Variants in EPB41L4A observed in about 807,000 individuals in gnomAD.
EPB41L4A encodes band 4.1-like protein 4A.
In EPB41L4A, 100 loss-of-function variants were observed where a neutral mutation model predicts 108.6. The ratio of observed to expected loss-of-function variants is 0.92; its 90% CI spans 0.78 to 1.09. EPB41L4A has a LOEUF of 1.09. Among genes scored for constraint, EPB41L4A ranks in the 50% least tolerant of loss-of-function variants. The pLI is 0.00. For synonymous variants in EPB41L4A, 319 were observed against 289.0 expected (o/e 1.10, Z -1.05); for missense variants, 1,030 against 842.7 (o/e 1.22, Z -2.75).
At chr5:112,182,915 C>T (rs1761230157) in intron 18 of EPB41L4A, among the ~76,000 whole-genome samples, 1 of 151,930 alleles carries the variant, frequency 6.6e-6, no homozygotes, top group South Asian at 2.1e-4. Context: ...GTAATTAATA[C>T]ATCTGTAAGG....
At chr5:112,371,892 T>C (rs992124810) in intron 1 of EPB41L4A, among the ~76,000 whole-genome samples, 6 of 152,114 alleles carry the variant, frequency 3.9e-5, no homozygotes, top group African/African-American at 1.4e-4. Context: ...TATATTCTAG[T>C]AGAGGAGATG....
At position 112,165,044 on chromosome 5, in the gene EPB41L4A, G is replaced by C; in HGVS notation, c.2007C>G (p.His669Gln). The C allele has an allele frequency of 6.2e-7, 1 of 1,613,896 alleles. No homozygotes were observed. The highest frequency in any genetic ancestry group is 8.5e-7 in the Non-Finnish European group (1 of 1,179,918). ...QTSTNNLAGK[H>Q]TAKTIKTIQA... ...GTATAGTTTTTATTGTTTTTGCTGT[G>C]TGTTTTCCAGCCAGGTTGTTTGTAG... Residue 669 changes from histidine (H) to glutamine (Q), a missense_variant, in exon 23 of 23, where the codon CAC (histidine) becomes CAG (glutamine). His to Gln is a conservative substitution (Grantham distance 24). Transcript: ENST00000261486.
At chr5:112,316,534 G>A (rs934281159) in intron 1 of EPB41L4A, among the ~76,000 whole-genome samples, 4 of 152,080 alleles carry the variant, frequency 2.6e-5, no homozygotes, top group East Asian at 1.9e-4. Flanking sequence ...CATTGTTTAT[G>A]TCTAAGAGTT....
chr5:112,286,983 T>C (rs1211937083), intron 2 of EPB41L4A, among the ~76,000 whole-genome samples: 1 of 152,178 alleles, frequency 6.6e-6, no homozygotes, highest in Non-Finnish European at 1.5e-5. Context: ...CGTCACACGC[T>C]TCTAGGACAC....
Position 112,163,005 on chromosome 5 carries a change from C to T in EPB41L4A, c.*1985G>A, listed in dbSNP as rs931404841. 6.6e-6 allele frequency: 1 copy of T among 152,144 alleles called. No individual in the cohort carries two copies. The highest frequency in any genetic ancestry group is 1.5e-5 in the Non-Finnish European group (1 of 68,044). 9.4% of individuals were successfully genotyped at this position (152,144 alleles called of 1,614,324 possible). On this transcript the variant is annotated 3_prime_UTR_variant, in exon 23 of 23. Transcript: ENST00000261486. ...GCTATTATGGGAGGTGAGAGTGTTA[C>T]AAAATGAGGCTGAAGAGGTAGGTAA...
chr5:112,276,848 T>C (rs115869928), intron 3 of EPB41L4A, among the ~76,000 whole-genome samples: 1 of 152,208 alleles, frequency 6.6e-6, no homozygotes, highest in East Asian at 1.9e-4. Context: ...TGGGAGACCA[T>C]CAAGATGAGG....
chr5:112,146,269 G>C (rs1417953424), intron 12 of EPB41L4A, among the ~76,000 whole-genome samples: 3 of 152,202 alleles, frequency 2.0e-5, no homozygotes, highest in Admixed American at 2.0e-4. Flanking sequence ...TCAATTTCAA[G>C]TTCAGAAATA....
At chr5:112,176,157 C>T (rs560134492) in intron 18 of EPB41L4A, among the ~76,000 whole-genome samples, 7 of 152,168 alleles carry the variant, frequency 4.6e-5, no homozygotes, top group Non-Finnish European at 1.0e-4. Flanking sequence ...TCACTTAATG[C>T]TCAGCAAAAT....
chr5:112,360,382 T>A (rs1463964393), intron 1 of EPB41L4A, among the ~76,000 whole-genome samples: 1 of 152,220 alleles, frequency 6.6e-6, no homozygotes, highest in African/African-American at 2.4e-5. Flanking sequence ...TGCCTGATTC[T>A]CCTGCCTCAG....
At chr5:112,151,855 C>G (rs980649780) in intron 12 of EPB41L4A, among the ~76,000 whole-genome samples, 4 of 152,102 alleles carry the variant, frequency 2.6e-5, no homozygotes, top group Non-Finnish European at 4.4e-5. Flanking sequence ...CTCAGCCTCC[C>G]TAGTAGCTGG....
chr5:112,224,055 G>A (rs1221111040), intron 12 of EPB41L4A, among the ~76,000 whole-genome samples: 2 of 152,168 alleles, frequency 1.3e-5, no homozygotes, highest in Non-Finnish European at 2.9e-5. Context: ...AGGTTCAAGC[G>A]ATTCTTCTGC....
At chr5:112,240,119 C>T (rs533302941) in intron 10 of EPB41L4A, among the ~76,000 whole-genome samples, 8 of 152,266 alleles carry the variant, frequency 5.3e-5, no homozygotes, top group East Asian at 1.9e-4. Flanking sequence ...TCCCTTTCCT[C>T]GTTTCCCAGG....
rs191552615 is a variant in EPB41L4A, at chr5:112,292,953, T to A, written c.205-12630A>T. 3.2e-3 allele frequency among the ~76,000 whole-genome samples: 493 copies of A among 152,320 alleles called. 1 individual carries two copies. The highest frequency in any genetic ancestry group is 0.011 in the African/African-American group (452 of 41,576). On this transcript the variant is annotated intron_variant, in intron 2 of 22. Transcript: ENST00000261486. ...GACAGTCTAATTTAATAAATGTTCATAGTAAAGAAATCAATATTCCTTTCA... is the reference window on the plus strand; with the variant it reads ...GACAGTCTAATTTAATAAATGTTCAAAGTAAAGAAATCAATATTCCTTTCA...
chr5:112,258,438 A>C (rs1751258170), intron 9 of EPB41L4A, among the ~76,000 whole-genome samples: 1 of 152,248 alleles, frequency 6.6e-6, no homozygotes, highest in African/African-American at 2.4e-5. Context: ...AGTTAGTATC[A>C]AAAAGACAGA....
At position 112,357,390 on chromosome 5, in the gene EPB41L4A, T is replaced by C. The variant is rs556015133; in HGVS notation, c.100-49900A>G. Among the ~76,000 whole-genome samples the C allele has an allele frequency of 7.2e-5, 11 of 152,252 alleles. No homozygotes were observed. The East Asian group carries it at 1.2e-3, about 16-fold the overall frequency. ...ATCAAAAGGCAATGGTATAAAGAGA[T>C]TGGGCTCAAGCCAATATACAAGGCA... On this transcript the variant is annotated intron_variant, in intron 1 of 22. Coordinates refer to ENST00000261486, the MANE Select transcript of EPB41L4A (RefSeq NM_022140.5).
At chr5:112,351,853 C>G (rs1276451575) in intron 1 of EPB41L4A, among the ~76,000 whole-genome samples, 1 of 152,126 alleles carries the variant, frequency 6.6e-6, no homozygotes, top group Non-Finnish European at 1.5e-5. Flanking sequence ...AAACGCAAAT[C>G]AATAAATGTG....
chr5:112,217,983 T>C (rs1179635924), intron 12 of EPB41L4A, among the ~76,000 whole-genome samples: 2 of 152,142 alleles, frequency 1.3e-5, no homozygotes, highest in African/African-American at 4.8e-5. Context: ...CTTTCGTCAT[T>C]ACCAAAATGA....
rs752926862 is a variant in EPB41L4A at position 112,264,983 on chromosome 5, G to A, written c.467C>T (p.Thr156Ile). ...CCGGTACTCAGATACATATCCTGCA[G>A]TATGTTTATATGGGTCATAATCTCC... is the stretch of plus-strand genomic sequence containing the variant. ...ELGDYDPYKH[T>I]AGYVSEYRFV... Residue 156 changes from threonine to isoleucine, a missense_variant, in exon 6 of 23, where the codon ACT (threonine) becomes ATT (isoleucine). Thr to Ile is a moderately conservative substitution (Grantham distance 89). Transcript: ENST00000261486. The A allele has an allele frequency of 1.2e-6, 2 of 1,610,322 alleles. No homozygotes were observed. Among genetic ancestry groups the A allele is most frequent in the Admixed American group, 1.7e-5 (1 of 59,334 alleles).
intron 1 of EPB41L4A, among the ~76,000 whole-genome samples, chr5:112,348,092 A>C (rs1475587730): frequency 6.6e-6 from 1 of 152,210 alleles, no homozygotes; most frequent in East Asian, 1.9e-4. Context: ...AATGCTCAAG[A>C]TAAGCCAACA....
Sources: gnomAD v4.1 joint callset for allele counts (sites outside exome capture counted in the v4.1 genomes callset) on GRCh38, gnomAD v4.1.1 for gene constraint, MANE v1.5 for transcripts, NCBI Gene and HGNC (gene_info 2026-07-23, HGNC 2026-07-21) for gene names.